FCAMR: variants seen among roughly 807,000 people sequenced by gnomAD.
FCAMR encodes the protein high affinity immunoglobulin alpha and immunoglobulin mu Fc receptor.
FCAMR carries 51 observed loss-of-function variants against 52.2 expected under a neutral mutation model. The ratio of observed to expected loss-of-function variants is 0.98; its 90% confidence interval spans 0.78 to 1.23. The LOEUF is 1.23. Ranked by LOEUF, FCAMR falls within the 50% of genes most tolerant of loss-of-function variation. The pLI, the probability that FCAMR is intolerant of heterozygous loss-of-function variation, is 0.00. For missense variants in FCAMR, 719 were observed against 712.6 expected (o/e 1.01, Z -0.10); for synonymous variants, 282 against 262.0 (o/e 1.08, Z -0.74).
rs762370128 is a variant in FCAMR, at chr1:206,958,488, G to A, written c.*28C>T. 12 of 1,590,836 alleles carry A rather than the reference G, an allele frequency of 7.5e-6. No homozygotes were observed. The highest frequency in any genetic ancestry group is 2.3e-4 in the Middle Eastern group (1 of 4,404). ...CTTTGATCTTGGTCCTTCTCCCATG[G>A]TAACTGAGCAGTTCATCTCTCTGTC... On this transcript the variant is annotated 3_prime_UTR_variant, in exon 8 of 8. Transcript: ENST00000324852.
intron 7 of FCAMR, 121 bp from the exon 8 acceptor site, chr1:206,958,797 A>G: frequency 1.5e-6 from 2 of 1,367,304 alleles, no homozygotes; most frequent in Non-Finnish European, 2.1e-6. Flanking sequence ...GAAGCAATGG[A>G]GCCCTAGTTG....
chr1:206,959,054 CT>C (rs759262704), intron 7 of FCAMR: 297 of 444,206 alleles, frequency 6.7e-4, no homozygotes, highest in Admixed American at 1.2e-3. Flanking sequence ...CTCCTGCTCT[CT>C]GCTGTGAGGG....
At chr1:206,964,102 A>C (rs1680614474) in intron 4 of FCAMR, among the ~76,000 whole-genome samples, 1 of 152,152 alleles carries the variant, frequency 6.6e-6, no homozygotes, top group Admixed American at 6.5e-5. Context: ...GGAGAAAGTG[A>C]TGTCTCCTGT....
intron 1 of FCAMR, among the ~76,000 whole-genome samples, 181 bp from the exon 2 acceptor site, chr1:206,967,832 C>T (rs972553940): frequency 2.0e-5 from 3 of 152,246 alleles, no homozygotes; most frequent in African/African-American, 7.2e-5. Flanking sequence ...CCCATCCACA[C>T]TGACCTTCAC....
At chr1:206,959,653 T>A in intron 7 of FCAMR, 26 bp downstream of exon 7, 1 of 1,587,384 alleles carries the variant, frequency 6.3e-7, no homozygotes, top group Non-Finnish European at 8.7e-7. Flanking sequence ...AACTCTTCTA[T>A]CTAGCCTTGG....
Position 206,962,365 on chromosome 1 carries a change from C to T in FCAMR, c.500G>A (p.Arg167His), listed in dbSNP as rs761038004. The T allele has an allele frequency of 1.7e-5, 27 of 1,614,100 alleles. No individual in the cohort carries two copies. Among genetic ancestry groups the T allele is most frequent in the African/African-American group, 5.3e-5 (4 of 74,916 alleles). ...AAAGTCTGTGAGGGCCACACGGTCACGATAGCGATGGTGAGTATACTGGTT... is the reference window on the plus strand; with the variant it reads ...AAAGTCTGTGAGGGCCACACGGTCATGATAGCGATGGTGAGTATACTGGTT... Reference protein sequence around the residue: ...STNQYTHHRYRDRVALTDFPQ... With the variant: ...STNQYTHHRYHDRVALTDFPQ... Residue 167 changes from arginine (R) to histidine (H), a missense_variant, in exon 5 of 8, where the codon CGT becomes CAT. Physicochemically the swap from Arg to His is conservative, Grantham distance 29 (BLOSUM62 0). Coordinates refer to ENST00000324852, the MANE Select transcript of FCAMR (RefSeq NM_001170631.2).
At chr1:206,965,564 TC>T in intron 4 of FCAMR, 150 bp downstream of exon 4, 1 of 972,180 alleles carries the variant, frequency 1.0e-6, no homozygotes, top group Non-Finnish European at 1.4e-6. Flanking sequence ...CTGGCTCTCA[TC>T]CCCTCATTGT....
rs3813952 is a variant in FCAMR, at chr1:206,970,169, T to C, written c.-44A>G. ...TCCAGGTGGACTTTTCTTCTCCTTATGAGATGCAGGTGTTTGGACGACTTC... is the reference window on the plus strand; with the variant it reads ...TCCAGGTGGACTTTTCTTCTCCTTACGAGATGCAGGTGTTTGGACGACTTC... On this transcript the variant is annotated 5_prime_UTR_variant, in exon 1 of 8. Transcript: ENST00000324852. The C allele has an allele frequency of 3.6e-3, 5,747 of 1,610,618 alleles. 105 individuals carry two copies. The East Asian group carries it at 0.061, about 17-fold the overall frequency.
At chr1:206,962,190 G>A (rs1396676849) in intron 5 of FCAMR, 23 bp downstream of exon 5, 2 of 1,603,284 alleles carry the variant, frequency 1.2e-6, no homozygotes, top group Admixed American at 1.7e-5. Flanking sequence ...ACCAAGCTTG[G>A]CCCATCAGCC....
chr1:206,967,253 A>T, intron 2 of FCAMR, 141 bp from the exon 3 acceptor site: 1 of 790,102 alleles, frequency 1.3e-6, no homozygotes, highest in African/African-American at 1.7e-5. Context: ...TGAGAGTAAG[A>T]CAAGCACTTC....
Position 206,970,224 on chromosome 1 carries a change from A to G in FCAMR, c.-99T>C. Reference sequence around the variant, plus strand: ...TGCTCTCCTTTAAACCTGGAGACTGAGAAGTCAAGGTGGTATTTTGGAAAG... The same window carrying G: ...TGCTCTCCTTTAAACCTGGAGACTGGGAAGTCAAGGTGGTATTTTGGAAAG... On this transcript the variant is annotated 5_prime_UTR_variant, in exon 1 of 8. Transcript: ENST00000324852. The G allele has an allele frequency of 7.1e-7, 1 of 1,417,514 alleles. No individual in the cohort carries two copies. The highest frequency in any genetic ancestry group is 9.8e-7 in the Non-Finnish European group (1 of 1,015,748). 87.8% of individuals were successfully genotyped at this position (1,417,514 alleles called of 1,614,324 possible).
chr1:206,967,769 T>G (rs969955807), intron 1 of FCAMR, 118 bp from the exon 2 acceptor site: 31 of 880,276 alleles, frequency 3.5e-5, no homozygotes, highest in Middle Eastern at 4.7e-4. Context: ...CTCTCTGCAC[T>G]AGGGTGCTAT....
intron 3 of FCAMR, among the ~76,000 whole-genome samples, chr1:206,966,451 T>C (rs2102267364): frequency 6.6e-6 from 1 of 152,304 alleles, no homozygotes; most frequent in East Asian, 1.9e-4. Flanking sequence ...AGTGGCGCGA[T>C]CTCAGCTCAC....
At position 206,960,767 on chromosome 1, in the gene FCAMR, T is replaced by C. The variant is rs1461446845; in HGVS notation, c.1109A>G (p.Lys370Arg). The C allele has an allele frequency of 3.9e-6, 6 of 1,552,290 alleles. No individual in the cohort carries two copies. In the African/African-American group the frequency reaches 6.8e-5, roughly 18 times the overall value. Residue 370 changes from lysine to arginine, a missense_variant, in exon 6 of 8, where the codon AAA becomes AGA. Coordinates refer to ENST00000324852, the MANE Select transcript of FCAMR (RefSeq NM_001170631.2). ...TGGCCCAATGGTTCCTAGGACCTTT[T>C]TGGCTGCATCAAGAGCTATCCTGAC... Reference protein sequence around the residue: ...EGVRIALDAAKKVLGTIGPPA... With the variant: ...EGVRIALDAARKVLGTIGPPA...
Position 206,958,473 on chromosome 1 carries a change from G to T in FCAMR, c.*43C>A. ...TGGGGTCCTGAAGGCCTTTGATCTTGGTCCTTCTCCCATGGTAACTGAGCA... is the reference window on the plus strand; with the variant it reads ...TGGGGTCCTGAAGGCCTTTGATCTTTGTCCTTCTCCCATGGTAACTGAGCA... On this transcript the variant is annotated 3_prime_UTR_variant, in exon 8 of 8. Transcript: ENST00000324852. 1 of 1,563,202 alleles carries T rather than the reference G, an allele frequency of 6.4e-7. No homozygotes were observed. The highest frequency in any genetic ancestry group is 8.7e-7 in the Non-Finnish European group (1 of 1,153,052).
At chr1:206,964,200 C>T (rs1207991063) in intron 4 of FCAMR, among the ~76,000 whole-genome samples, 1 of 152,294 alleles carries the variant, frequency 6.6e-6, no homozygotes, top group East Asian at 1.9e-4. Context: ...TGATGATTCT[C>T]TCCCTCCTTC....
At position 206,960,268 on chromosome 1, in the gene FCAMR, A is replaced by G. The variant is rs534307447; in HGVS notation, c.1454+154T>C. 847 of 720,998 alleles carry G rather than the reference A, an allele frequency of 1.2e-3. 1 individual carries two copies. The highest frequency in any genetic ancestry group is 3.8e-3 in the South Asian group (182 of 47,416). 44.7% of individuals were successfully genotyped at this position (720,998 alleles called of 1,614,324 possible). ...ATACTCAGGGAGCGTTCTCACAGCA[A>G]GGCCCCTTGGGTGAGGGAGGGCATC... is the stretch of plus-strand genomic sequence containing the variant. On this transcript the variant is annotated intron_variant, in intron 6 of 7. Transcript: ENST00000324852.
At chr1:206,959,294 C>G (rs1238531832) in intron 7 of FCAMR, among the ~76,000 whole-genome samples, 5 of 152,024 alleles carry the variant, frequency 3.3e-5, no homozygotes, top group African/African-American at 1.2e-4. Context: ...CTGGCCAACA[C>G]AGTGAAACCC....
In FCAMR at chr1:206,962,494, G is replaced by C; in HGVS notation, c.371C>G (p.Thr124Ser). Residue 124 changes from threonine (T) to serine (S), a missense_variant, in exon 5 of 8, where the codon ACC becomes AGC. Physicochemically the swap from Thr to Ser is moderately conservative, Grantham distance 58. Coordinates refer to ENST00000324852, the MANE Select transcript of FCAMR (RefSeq NM_001170631.2). The stretch of plus-strand genomic sequence containing the variant: ...TGAGGGGGCATAATGGCACTGGATG[G>C]TGACAGCTCCTCCAGGCTCCCCTGA... The part of the protein sequence containing the change: ...LVSGEPGGAV[T>S]IQCHYAPSSV... 2 of 1,606,050 alleles carry C rather than the reference G, an allele frequency of 1.2e-6. No homozygotes were observed. Among genetic ancestry groups the C allele is most frequent in the Non-Finnish European group, 1.7e-6 (2 of 1,173,616 alleles).
Sources: allele counts gnomAD v4.1 joint callset (sites outside exome capture counted in the v4.1 genomes callset), GRCh38; gene constraint gnomAD v4.1.1; transcripts MANE v1.5; gene names NCBI Gene and HGNC (gene_info 2026-07-23, HGNC 2026-07-21).